The following ZBTB25 variants were observed in gnomAD, a reference collection of about 807,000 sequenced individuals.
ZBTB25 encodes the protein zinc finger and BTB domain-containing protein 25.
ZBTB25 carries 20 observed loss-of-function variants against 34.2 expected under a neutral mutation model. That is an observed-to-expected ratio of 0.58 (90% confidence interval 0.41 to 0.85). ZBTB25 has a LOEUF of 0.85. ZBTB25 is among the 40% of genes least tolerant of loss of function. The pLI, the probability that ZBTB25 is intolerant of heterozygous loss-of-function variation, is 0.00. For missense variants in ZBTB25, 437 were observed against 521.8 expected, an observed-to-expected ratio of 0.84 and a Z score of 1.58; for synonymous variants, 175 against 186.4, an observed-to-expected ratio of 0.94 and a Z score of 0.50.
At chr14:64,498,065 A>G (rs1224894809) in intron 1 of ZBTB25, among the ~76,000 whole-genome samples, 1 of 152,250 alleles carries the variant, frequency 6.6e-6, no homozygotes, top group Non-Finnish European at 1.5e-5. Context: ...TTCAAGTGCC[A>G]TATGATAAAA....
intron 2 of ZBTB25, chr14:64,465,535 C>T (rs1456845990): frequency 6.6e-6 from 1 of 152,100 alleles, no homozygotes; most frequent in Non-Finnish European, 1.5e-5. Context: ...ACCGCGGCTC[C>T]CTGGAGGCCT....
intron 2 of ZBTB25, chr14:64,471,461 A>G: frequency 6.0e-6 from 1 of 166,926 alleles, no homozygotes. Flanking sequence ...CTTCATCACT[A>G]TTTTCAATCC....
At chr14:64,451,855 T>C (rs535956321) in intron 2 of ZBTB25, among the ~76,000 whole-genome samples, 12 of 152,362 alleles carry the variant, frequency 7.9e-5, no homozygotes, top group African/African-American at 2.6e-4. Flanking sequence ...ATGAGATGCA[T>C]ATGAAAATAA....
intron 2 of ZBTB25, among the ~76,000 whole-genome samples, chr14:64,450,280 C>A (rs894544069): frequency 1.2e-4 from 19 of 152,216 alleles, no homozygotes; most frequent in Non-Finnish European, 2.5e-4. Context: ...AAGGCACCAA[C>A]CATGTAGCAG....
rs1166159317 is a variant in ZBTB25 at position 64,478,678 on chromosome 14, AG to A, written c.*8244del. ...CTGCTGAGATATGTACATGTAAATC[AG>A]AAGCATCTTGATTAAAGAGGGATGT... On this transcript the variant is annotated 3_prime_UTR_variant, in exon 3 of 3. Coordinates refer to ENST00000608382, the MANE Select transcript of ZBTB25 (RefSeq NM_006977.5). The A allele has an allele frequency of 6.6e-6, 1 of 152,248 alleles. No homozygotes were observed. The highest frequency in any genetic ancestry group is 1.5e-5 in the Non-Finnish European group (1 of 68,044). The allele number at this position is 152,248 out of a possible 1,614,324, so 9.4% of individuals were successfully genotyped here.
intron 2 of ZBTB25, among the ~76,000 whole-genome samples, chr14:64,466,664 A>T (rs1334204563): frequency 2.0e-5 from 3 of 152,218 alleles, no homozygotes; most frequent in African/African-American, 7.2e-5. Context: ...AACCTAAGAT[A>T]ATATTTACTT....
At chr14:64,453,660 T>C in intron 2 of ZBTB25, 1 of 758,986 alleles carries the variant, frequency 1.3e-6, no homozygotes, top group South Asian at 1.5e-5. Context: ...TTCTGCCCCT[T>C]TTAGGGACTC....
chr14:64,455,772 C>T lies in ZBTB25; in HGVS notation c.174-6134G>A, dbSNP rs559289368. On this transcript the variant is annotated intron_variant, in intron 2 of 2. Transcript: ENST00000555220. ...GACATTAGAGCTGAATTCATTTTCA[C>T]CTCTTCAGATCTTGGCCTTGGGCAA... 1.2e-4 allele frequency among the ~76,000 whole-genome samples: 18 copies of T among 152,318 alleles called. No homozygotes were observed. The East Asian group carries it at 3.3e-3, about 28-fold the overall frequency.
intron 1 of ZBTB25, among the ~76,000 whole-genome samples, chr14:64,498,563 G>A (rs1458364618): frequency 1.3e-5 from 2 of 152,146 alleles, no homozygotes; most frequent in African/African-American, 4.8e-5. Flanking sequence ...CGCCTGCCTT[G>A]GCCTCCCAAA....
At chr14:64,469,271 G>T (rs531409007) in intron 2 of ZBTB25, 10 of 1,613,418 alleles carry the variant, frequency 6.2e-6, no homozygotes, top group Middle Eastern at 1.6e-4. Flanking sequence ...AAATGGAAAA[G>T]ACTATGAAAG....
At chr14:64,457,752 G>A (rs192248870) in intron 2 of ZBTB25, among the ~76,000 whole-genome samples, 221 of 152,196 alleles carry the variant, frequency 1.5e-3, no homozygotes, top group African/African-American at 5.0e-3. Flanking sequence ...CACCACGCCC[G>A]GCAGGGATCA....
chr14:64,489,776 C>T (rs1170567142), intron 2 of ZBTB25, among the ~76,000 whole-genome samples: 8 of 151,452 alleles, frequency 5.3e-5, no homozygotes, highest in African/African-American at 1.7e-4. Flanking sequence ...CCTTGTGATC[C>T]GCCCACCTTG....
Position 64,486,222 on chromosome 14 carries a change from A to C in ZBTB25, c.*701T>G. ...GAGGCTGAGGCAGGAGAATGGCGTG[A>C]ACCCGGGAGGCGGAGCTTGCAGTCA... On this transcript the variant is annotated 3_prime_UTR_variant, in exon 3 of 3. Transcript: ENST00000608382. 1.2e-6 allele frequency: 1 copy of C among 862,040 alleles called. No homozygotes were observed. Among genetic ancestry groups the C allele is most frequent in the Non-Finnish European group, 1.4e-6 (1 of 717,790 alleles). 53.4% of individuals were successfully genotyped at this position (862,040 alleles called of 1,614,324 possible). A position where few individuals can be genotyped will look rare whatever the true frequency, so the allele number is the denominator to read the frequency against.
At chr14:64,473,314 T>G (rs1456895438), downstream of ZBTB25, 2 of 167,098 alleles carry the variant, frequency 1.2e-5, no homozygotes, top group Non-Finnish European at 2.9e-5. Flanking sequence ...ATGGAGTTGT[T>G]CAGAAAAGCT....
intron 2 of ZBTB25, chr14:64,457,847 G>A (rs1004058315): frequency 3.1e-5 from 10 of 319,320 alleles, no homozygotes; most frequent in Admixed American, 1.8e-4. Flanking sequence ...ATAAAATGAT[G>A]TTCTATCTTT....
At chr14:64,468,579 G>A in intron 2 of ZBTB25, 2 of 1,613,968 alleles carry the variant, frequency 1.2e-6, no homozygotes, top group Non-Finnish European at 1.7e-6. Flanking sequence ...GCAAGGAAGT[G>A]TCCACAAGAA....
chr14:64,472,025 C>T (rs775389394), intron 2 of ZBTB25: 1 of 166,246 alleles, frequency 6.0e-6, no homozygotes, highest in Non-Finnish European at 1.5e-5. Flanking sequence ...GCTTATAATC[C>T]GGGGAGGAGG....
chr14:64,463,386 T>G (rs2078576296), intron 2 of ZBTB25: 1 of 152,176 alleles, frequency 6.6e-6, no homozygotes, highest in Non-Finnish European at 1.5e-5. Flanking sequence ...ATGACTTGTT[T>G]GTAATATACC....
At chr14:64,505,142 C>A (rs1166462785), upstream of ZBTB25, 1 of 339,502 alleles carries the variant, frequency 2.9e-6, no homozygotes, top group Non-Finnish European at 5.3e-6. Flanking sequence ...CGTCAGGTCC[C>A]GGGCGTGCGG....
Sources: allele counts gnomAD v4.1 joint callset (sites outside exome capture counted in the v4.1 genomes callset), GRCh38; gene constraint gnomAD v4.1.1; transcripts MANE v1.5; gene names NCBI Gene and HGNC (gene_info 2026-07-23, HGNC 2026-07-21).